Variants in CPNE7 observed in about 807,000 individuals in gnomAD.
CPNE7 encodes copine-7.
CPNE7 carries 78 observed loss-of-function variants against 66.5 expected under a neutral mutation model. The ratio of observed to expected loss-of-function variants is 1.17; its 90% CI spans 0.98 to 1.42. The LOEUF is 1.42. Ranked by LOEUF, CPNE7 falls within the 40% of genes most tolerant of loss-of-function variation. CPNE7 has a pLI of 0.00. For missense variants in CPNE7, 1,012 were observed against 776.6 expected (o/e 1.30, Z -3.60); for synonymous variants, 468 against 336.7 (o/e 1.39, Z -4.27).
At chr16:89,580,664 A>C (rs1463545547) in intron 2 of CPNE7, among the ~76,000 whole-genome samples, 2 of 137,800 alleles carry the variant, frequency 1.5e-5, no homozygotes, top group Non-Finnish European at 3.1e-5. Flanking sequence ...GTCACATGGA[A>C]CATCCCATCA....
chr16:89,584,931 G>A lies in CPNE7; in HGVS notation c.591+74G>A. The A allele has an allele frequency of 7.5e-7, 1 of 1,336,018 alleles. No individual in the cohort carries two copies. The highest frequency in any genetic ancestry group is 1.1e-6 in the Non-Finnish European group (1 of 939,396). The allele number at this position is 1,336,018 out of a possible 1,614,324, so 82.8% of individuals were successfully genotyped here. A position where few individuals can be genotyped will look rare whatever the true frequency, so the allele number is the denominator to read the frequency against. ...GCCCTCACGCATCTCTGGCCACATGGGAGGAGCTCCCAGCCTCCAACAGGG... is the reference window on the plus strand; with the variant it reads ...GCCCTCACGCATCTCTGGCCACATGAGAGGAGCTCCCAGCCTCCAACAGGG... On this transcript the variant is annotated intron_variant, in intron 5 of 14. Transcript: ENST00000319518. The surrounding 1 kb of genome is among the most constrained non-coding windows in gnomAD (Gnocchi z 6.0).
intron 9 of CPNE7, chr16:89,587,491 C>T: frequency 4.5e-6 from 2 of 449,066 alleles, no homozygotes; most frequent in Non-Finnish European, 8.9e-6. Flanking sequence ...CAGGAAGCAG[C>T]CCCAAGCCCG....
At chr16:89,587,597 G>C (rs1052618646) in intron 9 of CPNE7, 1 of 424,744 alleles carries the variant, frequency 2.4e-6, no homozygotes. Flanking sequence ...GCGTTTGAGT[G>C]AACCAGCCAC....
At chr16:89,578,858 CA>C in intron 2 of CPNE7, 1 of 1,610,658 alleles carries the variant, frequency 6.2e-7, no homozygotes, top group Non-Finnish European at 8.5e-7. Flanking sequence ...CCTCCACAGC[CA>C]GCCCAAAAGT....
chr16:89,596,867 G>A lies in CPNE7; in HGVS notation c.*246G>A, dbSNP rs2059265016. 2 of 429,200 alleles carry A rather than the reference G, an allele frequency of 4.7e-6. No individual in the cohort carries two copies. The highest frequency in any genetic ancestry group is 4.1e-6 in the Non-Finnish European group (1 of 246,566). 26.6% of individuals were successfully genotyped at this position (429,200 alleles called of 1,614,324 possible). A position where few individuals can be genotyped will look rare whatever the true frequency, so the allele number is the denominator to read the frequency against. ...CCTGAGCCAGGTGGGTGGAGGGAGG[G>A]AGATCATGAGGGACTTGGAGGGAGC... On this transcript the variant is annotated 3_prime_UTR_variant, in exon 15 of 15. Coordinates refer to ENST00000319518, the MANE Select transcript of CPNE7 (RefSeq NM_153636.3).
chr16:89,583,667 C>T lies in CPNE7; in HGVS notation c.358-30C>T, dbSNP rs1458310727. On this transcript the variant is annotated intron_variant, in intron 2 of 14. Transcript: ENST00000319518. ...AGGGTCAGGAGCCGTCCCCGCCTGCCCCTCCCTGCCTGACGCCTCTGACTT... is the reference window on the plus strand; with the variant it reads ...AGGGTCAGGAGCCGTCCCCGCCTGCTCCTCCCTGCCTGACGCCTCTGACTT... The T allele has an allele frequency of 1.9e-6, 3 of 1,612,044 alleles. No homozygotes were observed. The African/African-American group carries it at 4.0e-5, about 22-fold the overall frequency.
At chr16:89,590,081 C>A in intron 11 of CPNE7, 130 bp downstream of exon 11, 1 of 1,046,000 alleles carries the variant, frequency 9.6e-7, no homozygotes, top group Non-Finnish European at 1.4e-6. Flanking sequence ...GATTGGGGTG[C>A]AAAGCGGGAA....
chr16:89,586,978 G>A, intron 8 of CPNE7, 65 bp from the exon 9 acceptor site: 1 of 1,494,730 alleles, frequency 6.7e-7, no homozygotes, highest in Non-Finnish European at 9.1e-7. Context: ...GGCAGGCCTG[G>A]ATCCCAGCTG....
chr16:89,587,681 AC>A (rs1228483468), intron 9 of CPNE7: 1 of 377,916 alleles, frequency 2.6e-6, no homozygotes, highest in Non-Finnish European at 5.4e-6. Flanking sequence ...ACCCCGCGTC[AC>A]CCATAGATAC....
rs2058852591 is a variant in CPNE7 at position 89,575,908 on chromosome 16, G to A, written c.11G>A (p.Gly4Asp). 2.4e-6 allele frequency: 3 copies of A among 1,241,370 alleles called. No individual in the cohort carries two copies. The highest frequency in any genetic ancestry group is 4.3e-5 in the Admixed American group (1 of 23,494). The allele number at this position is 1,241,370 out of a possible 1,614,324, so 76.9% of individuals were successfully genotyped here. The change falls in exon 1 of 15, where the codon GGC becomes GAC. Residue 4 changes from glycine (G) to aspartate (D), a missense_variant. Transcript: ENST00000319518. MSAGSERGAAATPG... is the reference protein window; with the variant it reads MSADSERGAAATPG... ...CCGAACGCCGGGAGCATGAGCGCGG[G>A]CTCGGAGCGCGGGGCGGCGGCAACC...
In CPNE7 at chr16:89,583,761, C is replaced by A. The variant is rs1388859553; in HGVS notation, c.422C>A (p.Ser141Tyr). ...AAGTTTGGCAGGAACGCTGGCAAGT[C>A]CACCATCACGGTGAGACCCGGGCGC... is the stretch of plus-strand genomic sequence containing the variant. ...LLKFGRNAGK[S>Y]TITVIAEDIS... The change falls in exon 3 of 15, where the codon TCC becomes TAC. Residue 141 changes from serine to tyrosine, a missense_variant. Coordinates refer to ENST00000319518, the MANE Select transcript of CPNE7 (RefSeq NM_153636.3). The A allele has an allele frequency of 1.2e-6, 2 of 1,612,606 alleles. No homozygotes were observed. Among genetic ancestry groups the A allele is most frequent in the Non-Finnish European group, 1.7e-6 (2 of 1,179,922 alleles).
intron 2 of CPNE7, among the ~76,000 whole-genome samples, chr16:89,580,292 G>A (rs1242870555): frequency 4.7e-5 from 6 of 126,714 alleles, no homozygotes; most frequent in South Asian, 5.7e-4. Flanking sequence ...CCCATCACAC[G>A]GAACATCCCG....
chr16:89,592,640 C>T (rs1284152588), intron 13 of CPNE7, among the ~76,000 whole-genome samples: 1 of 149,440 alleles, frequency 6.7e-6, no homozygotes, highest in Admixed American at 6.7e-5. Flanking sequence ...GACGGGGTTT[C>T]ACAGTCTTGG....
chr16:89,585,845 TTC>T (rs2059029084), intron 7 of CPNE7, 60 bp downstream of exon 7: 1 of 266,560 alleles, frequency 3.8e-6, no homozygotes, highest in Non-Finnish European at 6.5e-6. Context: ...GAGGGGGGCC[TTC>T]GGGGAGGGGT....
rs1288324592 is a variant in CPNE7 at position 89,583,483 on chromosome 16, C to T, written c.358-214C>T. ...GCCTCCCCTGGGCGACTGCTGGCGCCGTGAGGTGGTGGACGTGCAGGGGTG... is the reference window on the plus strand; with the variant it reads ...GCCTCCCCTGGGCGACTGCTGGCGCTGTGAGGTGGTGGACGTGCAGGGGTG... On this transcript the variant is annotated intron_variant, in intron 2 of 14. Coordinates refer to ENST00000319518, the MANE Select transcript of CPNE7 (RefSeq NM_153636.3). 1.0e-5 allele frequency: 16 copies of T among 1,552,916 alleles called. No homozygotes were observed. The South Asian group carries it at 1.1e-4, about 10-fold the overall frequency.
rs543984964 is a variant in CPNE7 at position 89,591,711 on chromosome 16, T to C, written c.1302+451T>C. ...GCTGCTTTCTTTTCTTTTCTTTTGT[T>C]TTTTGTGAGACAGAGTCTCACTCTG... On this transcript the variant is annotated intron_variant, in intron 13 of 14. Coordinates refer to ENST00000319518, the MANE Select transcript of CPNE7 (RefSeq NM_153636.3). 2.6e-5 allele frequency among the ~76,000 whole-genome samples: 4 copies of C among 152,284 alleles called. No individual in the cohort carries two copies. The South Asian group carries it at 8.3e-4, about 32-fold the overall frequency.
intron 13 of CPNE7, among the ~76,000 whole-genome samples, chr16:89,593,591 A>G (rs1158652174): frequency 1.3e-5 from 2 of 152,134 alleles, no homozygotes; most frequent in Non-Finnish European, 2.9e-5. Context: ...TGACCTCGTG[A>G]TCCGCCCACC....
intron 11 of CPNE7, 48 bp from the exon 12 acceptor site, chr16:89,590,959 G>C: frequency 6.2e-7 from 1 of 1,608,462 alleles, no homozygotes; most frequent in Non-Finnish European, 8.5e-7. Flanking sequence ...GGGGCCAGTG[G>C]GGTGTGTTGC....
At chr16:89,578,907 G>T (rs776602589) in intron 2 of CPNE7, 28 of 1,611,368 alleles carry the variant, frequency 1.7e-5, no homozygotes, top group Non-Finnish European at 2.3e-5. Context: ...CTGTTGATGT[G>T]CTGGGCCCTG....
Sources: allele counts gnomAD v4.1 joint callset (sites outside exome capture counted in the v4.1 genomes callset), GRCh38; gene constraint gnomAD v4.1.1; non-coding constraint Gnocchi (gnomAD v3.1); transcripts MANE v1.5; gene names NCBI Gene and HGNC (gene_info 2026-07-23, HGNC 2026-07-21).